The following PDE4D variants were observed in gnomAD, a reference collection of about 807,000 sequenced individuals.
The protein encoded by PDE4D is 3',5'-cyclic-AMP phosphodiesterase 4D.
In PDE4D, 24 loss-of-function variants were observed where a neutral mutation model predicts 87.4. The observed-to-expected ratio is 0.27, with a 90% confidence interval of 0.20 to 0.39. The LOEUF (loss-of-function observed/expected upper bound fraction) is 0.39, where lower values mean the gene tolerates loss of function less well. Ranked by LOEUF, PDE4D falls within the 10% of genes least tolerant of loss-of-function variation. The probability of loss-of-function intolerance (pLI) is 1.00; values close to 1 mark genes in which losing one functional copy is unlikely to be tolerated. For synonymous variants in PDE4D, 384 were observed against 383.2 expected, an observed-to-expected ratio of 1.00 and a Z score of -0.02; for missense variants, 714 against 1,041.0, an observed-to-expected ratio of 0.69 and a Z score of 4.32.
At chr5:59,939,263 C>A (rs866011309) in intron 3 of PDE4D, among the ~76,000 whole-genome samples, 17 of 152,086 alleles carry the variant, frequency 1.1e-4, no homozygotes, top group African/African-American at 4.1e-4. Context: ...ATAGTTGAAC[C>A]TAACTTATTC....
chr5:59,707,636 T>C (rs541005168), intron 1 of PDE4D, among the ~76,000 whole-genome samples: 4 of 152,238 alleles, frequency 2.6e-5, no homozygotes, highest in African/African-American at 9.6e-5. Context: ...CAGCATGCAT[T>C]AGCTACTTTT....
chr5:59,321,494 C>T (rs1347177956), intron 1 of PDE4D, among the ~76,000 whole-genome samples: 1 of 152,040 alleles, frequency 6.6e-6, no homozygotes, highest in Non-Finnish European at 1.5e-5. Flanking sequence ...CATCTTCTTG[C>T]CTTTGTGTTC....
At chr5:59,412,224 G>A (rs1792811971) in intron 1 of PDE4D, among the ~76,000 whole-genome samples, 1 of 152,224 alleles carries the variant, frequency 6.6e-6, no homozygotes, top group Non-Finnish European at 1.5e-5. Context: ...TACATTAAAT[G>A]CAACGTTTTG....
intron 1 of PDE4D, among the ~76,000 whole-genome samples, chr5:59,332,851 A>G (rs1041176671): frequency 3.9e-5 from 6 of 152,066 alleles, no homozygotes; most frequent in Non-Finnish European, 7.4e-5. Context: ...CCCTCTCACT[A>G]TCTGTGACAC....
intron 3 of PDE4D, among the ~76,000 whole-genome samples, chr5:59,912,963 T>A (rs895624479): frequency 3.5e-4 from 54 of 152,276 alleles, no homozygotes; most frequent in African/African-American, 1.3e-3. Context: ...CCCTGACAAG[T>A]GTTCTTCAAG....
chr5:59,422,408 A>C (rs1417552644), intron 1 of PDE4D, among the ~76,000 whole-genome samples: 2 of 152,204 alleles, frequency 1.3e-5, no homozygotes, highest in African/African-American at 4.8e-5. Flanking sequence ...ATTGTTTCAA[A>C]GGCTGTTAGT....
chr5:60,003,269 A>G (rs894910648), intron 2 of PDE4D, among the ~76,000 whole-genome samples: 15 of 152,218 alleles, frequency 9.9e-5, no homozygotes, highest in African/African-American at 3.6e-4. Context: ...GGATTGAAAG[A>G]TTTCATATTG....
intron 1 of PDE4D, among the ~76,000 whole-genome samples, chr5:59,298,808 TC>T (rs1439869236): frequency 1.3e-5 from 2 of 152,298 alleles, no homozygotes; most frequent in African/African-American, 4.8e-5. Flanking sequence ...CTATGGAAGC[TC>T]CTATTTCAAA....
intron 2 of PDE4D, among the ~76,000 whole-genome samples, chr5:60,149,521 A>T (rs560778902): frequency 5.3e-5 from 8 of 152,186 alleles, no homozygotes; most frequent in Non-Finnish European, 1.2e-4. Flanking sequence ...CTCAAACCAT[A>T]GCAAACATAG....
At chr5:59,416,013 T>C (rs960350016) in intron 1 of PDE4D, among the ~76,000 whole-genome samples, 3 of 152,194 alleles carry the variant, frequency 2.0e-5, no homozygotes, top group African/African-American at 7.2e-5. Flanking sequence ...TCTAAATCTC[T>C]ATTTTCGGAA....
At chr5:60,019,676 T>A (rs10044529) in intron 2 of PDE4D, among the ~76,000 whole-genome samples, 22,874 of 152,200 alleles carry the variant, frequency 0.15, 1,758 homozygotes, top group Middle Eastern at 0.23. Context: ...TCAGCCTTCA[T>A]AGAAATAAGG....
chr5:59,822,514 T>C (rs1195829108), intron 1 of PDE4D, among the ~76,000 whole-genome samples: 4 of 152,190 alleles, frequency 2.6e-5, no homozygotes, highest in Non-Finnish European at 5.9e-5. Context: ...TCTTAGCTTT[T>C]AGAAAAAGTG....
At chr5:60,355,694 T>C (rs1759562679) in intron 1 of PDE4D, among the ~76,000 whole-genome samples, 1 of 151,860 alleles carries the variant, frequency 6.6e-6, no homozygotes, top group Non-Finnish European at 1.5e-5. Flanking sequence ...TTGTATATTA[T>C]ATATATATTA....
At chr5:59,996,841 T>A (rs1763567021) in intron 2 of PDE4D, among the ~76,000 whole-genome samples, 1 of 152,188 alleles carries the variant, frequency 6.6e-6, no homozygotes, top group African/African-American at 2.4e-5. Context: ...TGAAAATTTC[T>A]ACCTCAGGTT....
intron 1 of PDE4D, among the ~76,000 whole-genome samples, chr5:59,238,717 G>A (rs1018487272): frequency 2.0e-5 from 3 of 152,136 alleles, no homozygotes; most frequent in African/African-American, 7.2e-5. Context: ...TTTCACCTGA[G>A]AAATCTCATA....
intron 1 of PDE4D, among the ~76,000 whole-genome samples, chr5:59,318,875 G>A (rs934016222): frequency 6.6e-6 from 1 of 151,956 alleles, no homozygotes; most frequent in African/African-American, 2.4e-5. Flanking sequence ...ATACACAGGT[G>A]AATTTTTCTA....
chr5:60,122,018 C>T (rs1778729912), intron 2 of PDE4D, among the ~76,000 whole-genome samples: 1 of 152,128 alleles, frequency 6.6e-6, no homozygotes, highest in African/African-American at 2.4e-5. Context: ...TCCAGCAGGG[C>T]AGTCAAATTT....
At chr5:59,230,705 G>T (rs1209649622) in intron 1 of PDE4D, among the ~76,000 whole-genome samples, 1 of 152,076 alleles carries the variant, frequency 6.6e-6, no homozygotes, top group Admixed American at 6.6e-5. Context: ...CTCTGGGTTT[G>T]CACTCTGCAT....
intron 1 of PDE4D, among the ~76,000 whole-genome samples, chr5:59,700,597 T>C (rs928689384): frequency 6.6e-6 from 1 of 152,216 alleles, no homozygotes; most frequent in Non-Finnish European, 1.5e-5. Context: ...TATTTACTTA[T>C]CTATTTACAT....
Sources: allele counts gnomAD v4.1 joint callset (sites outside exome capture counted in the v4.1 genomes callset), GRCh38; gene constraint gnomAD v4.1.1; transcripts MANE v1.5; gene names NCBI Gene and HGNC (gene_info 2026-07-23, HGNC 2026-07-21).